SLC22A5: variants seen among roughly 807,000 people sequenced by gnomAD.
SLC22A5 encodes organic cation/carnitine transporter 2.
In SLC22A5, 44 loss-of-function variants were observed where a neutral mutation model predicts 56.7. The observed-to-expected ratio is 0.78, with a 90% CI of 0.61 to 1.00. The LOEUF (loss-of-function observed/expected upper bound fraction) is 1.00. SLC22A5 is among the 50% of genes least tolerant of loss of function. SLC22A5 has a pLI of 0.00. For synonymous variants in SLC22A5, 278 were observed against 292.1 expected, an observed-to-expected ratio of 0.95 and a Z score of 0.49; for missense variants, 675 against 723.0, an observed-to-expected ratio of 0.93 and a Z score of 0.76.
chr5:132,392,417 T>C lies in SLC22A5; in HGVS notation c.1268-16T>C, dbSNP rs762521705. ...GGTTGGTACCTACTCCTACCCTCTT[T>C]CCTTTGCTTCTCCAGACTTGTATTA... On this transcript the variant is annotated splice_polypyrimidine_tract_variant and intron_variant, in intron 7 of 9. Transcript: ENST00000245407. The C allele has an allele frequency of 6.2e-7, 1 of 1,613,650 alleles. No individual in the cohort carries two copies. Among genetic ancestry groups the C allele is most frequent in the Non-Finnish European group, 8.5e-7 (1 of 1,179,532 alleles).
chr5:132,385,607 AGG>A, intron 4 of SLC22A5, 108 bp downstream of exon 4: 1 of 883,848 alleles, frequency 1.1e-6, no homozygotes, highest in Non-Finnish European at 1.9e-6. Flanking sequence ...TCCCAGAGAC[AGG>A]AAGCATAGAT....
intron 4 of SLC22A5, 41 bp downstream of exon 4, chr5:132,385,540 G>T: frequency 6.3e-7 from 1 of 1,580,202 alleles, no homozygotes; most frequent in Non-Finnish European, 8.7e-7. Flanking sequence ...CTGGCAGGAT[G>T]ATTTCTGTCT....
In SLC22A5 at chr5:132,378,359, C is replaced by G. The variant is rs1388742561; in HGVS notation, c.394-19C>G. On this transcript the variant is annotated intron_variant, in intron 1 of 9. Transcript: ENST00000245407. ...TTTAAAAAGAAGTGAATGATACACC[C>G]CCTTTGCTCATCTTGCAGTGGAACC... is the stretch of plus-strand genomic sequence containing the variant. 6.2e-7 allele frequency: 1 copy of G among 1,611,984 alleles called. No homozygotes were observed. The highest frequency in any genetic ancestry group is 1.7e-4 in the Middle Eastern group (1 of 6,056).
rs1752553572 is a variant in SLC22A5, at chr5:132,387,015, G to GTAC, written c.825-8_825-6dup. 1.2e-6 allele frequency: 2 copies of GTAC among 1,614,098 alleles called. No homozygotes were observed. The highest frequency in any genetic ancestry group is 2.2e-5 in the South Asian group (2 of 91,086). ...GGAGGCCTCACTGAGATTGGACCTT[G>GTAC]TACTGCCAGGTTCATCCCTGAGTCC... On this transcript the variant is annotated splice_polypyrimidine_tract_variant and intron_variant, in intron 4 of 9. Coordinates refer to ENST00000245407, the MANE Select transcript of SLC22A5 (RefSeq NM_003060.4).
chr5:132,392,414 CT>C lies in SLC22A5; in HGVS notation c.1268-16del. 2 of 1,613,340 alleles carry C rather than the reference CT, an allele frequency of 1.2e-6. No homozygotes were observed. The highest frequency in any genetic ancestry group is 4.5e-5 in the East Asian group (2 of 44,886). On this transcript the variant is annotated intron_variant, in intron 7 of 9. Transcript: ENST00000245407. ...ATGGGTTGGTACCTACTCCTACCCTCTTTCCTTTGCTTCTCCAGACTTGTAT... is the reference window on the plus strand; with the variant it reads ...ATGGGTTGGTACCTACTCCTACCCTCTTCCTTTGCTTCTCCAGACTTGTAT...
intron 5 of SLC22A5, among the ~76,000 whole-genome samples, chr5:132,388,619 G>A (rs1385501773): frequency 2.6e-5 from 4 of 152,220 alleles, no homozygotes; most frequent in South Asian, 4.2e-4. Context: ...TGTGGCCACC[G>A]ACAGGAATAT....
intron 2 of SLC22A5, chr5:132,379,455 G>A (rs1752273305): frequency 6.6e-6 from 1 of 152,058 alleles, no homozygotes; most frequent in South Asian, 2.1e-4. Flanking sequence ...ACAGGCGTGA[G>A]ACACCATGCG....
At chr5:132,389,794 A>G (rs1752642483) in intron 6 of SLC22A5, 1 of 154,700 alleles carries the variant, frequency 6.5e-6, no homozygotes, top group Non-Finnish European at 1.4e-5. Context: ...ATGGCCCAGG[A>G]TCCCTCCAGG....
chr5:132,385,277 A>C, intron 3 of SLC22A5, 51 bp from the exon 4 acceptor site: 6 of 1,512,994 alleles, frequency 4.0e-6, no homozygotes, highest in Non-Finnish European at 5.5e-6. Context: ...AAAATTAATA[A>C]GGAAGGAACC....
At position 132,378,503 on chromosome 5, in the gene SLC22A5, G is replaced by A. The variant is rs879183398; in HGVS notation, c.497+22G>A. ...ACAGGTAAGGTGTCTGTCTTCTGGA[G>A]CACCAGGGGACCTCAGCACTGAGGA... On this transcript the variant is annotated intron_variant, in intron 2 of 9. Coordinates refer to ENST00000245407, the MANE Select transcript of SLC22A5 (RefSeq NM_003060.4). The A allele has an allele frequency of 5.1e-6, 8 of 1,567,820 alleles. No homozygotes were observed. In the Admixed American group the frequency reaches 1.2e-4, roughly 23 times the overall value.
rs189064852 is a variant in SLC22A5 at position 132,384,557 on chromosome 5, G to T, written c.652+256G>T. Among the ~76,000 whole-genome samples the T allele has an allele frequency of 7.1e-4, 108 of 152,206 alleles. 2 individuals carry two copies. The South Asian group carries it at 7.5e-3, about 11-fold the overall frequency. ...TCTGGCCTCTGGGCTGTGGCTCCTT[G>T]GTCTTAGTACTTGATGGTCAATTTA... On this transcript the variant is annotated intron_variant, in intron 3 of 9. Transcript: ENST00000245407.
Position 132,384,212 on chromosome 5 carries a change from T to C in SLC22A5, c.563T>C (p.Ile188Thr). 1 of 1,614,218 alleles carries C rather than the reference T, an allele frequency of 6.2e-7. No individual in the cohort carries two copies. The highest frequency in any genetic ancestry group is 1.1e-5 in the South Asian group (1 of 91,084). ...GMQTGFSFLQIFSKNFEMFVV... is the reference protein window; with the variant it reads ...GMQTGFSFLQTFSKNFEMFVV... ...CAGACAGGCTTCAGCTTCCTGCAGA[T>C]CTTCTCGAAGAATTTTGAGATGTTT... Residue 188 changes from isoleucine to threonine, a missense_variant, in exon 3 of 10, where the codon ATC becomes ACC. Ile to Thr is a moderately conservative substitution (Grantham distance 89). Coordinates refer to ENST00000245407, the MANE Select transcript of SLC22A5 (RefSeq NM_003060.4).
At chr5:132,388,851 G>A in intron 5 of SLC22A5, 70 bp from the exon 6 acceptor site, 8 of 965,998 alleles carry the variant, frequency 8.3e-6, no homozygotes, top group Non-Finnish European at 1.2e-5. Context: ...AGGGATTCAA[G>A]TATGTTATTG....
intron 1 of SLC22A5, among the ~76,000 whole-genome samples, chr5:132,374,232 GAAAAA>G (rs1254113893): frequency 1.3e-5 from 2 of 148,480 alleles, no homozygotes; most frequent in African/African-American, 4.9e-5. Flanking sequence ...AAAAAAAAAA[GAAAAA>G]GAAAAGAAAC....
chr5:132,378,165 A>G, intron 1 of SLC22A5: 1 of 1,577,020 alleles, frequency 6.3e-7, no homozygotes, highest in Non-Finnish European at 8.6e-7. Context: ...AAATGGAAGC[A>G]AGACAGTGGG....
intron 4 of SLC22A5, 126 bp downstream of exon 4, chr5:132,385,625 A>G: frequency 1.2e-6 from 1 of 811,772 alleles, no homozygotes; most frequent in Middle Eastern, 2.4e-4. Flanking sequence ...TAGATTATAA[A>G]TTATTTCAGA....
chr5:132,386,912 T>G, intron 4 of SLC22A5, 113 bp from the exon 5 acceptor site: 1 of 1,146,818 alleles, frequency 8.7e-7, no homozygotes, highest in African/African-American at 1.5e-5. Flanking sequence ...TCACCAAACA[T>G]TCCACAAGCT....
At chr5:132,370,476 C>G in intron 1 of SLC22A5, 111 bp downstream of exon 1, 1 of 1,243,656 alleles carries the variant, frequency 8.0e-7, no homozygotes, top group Non-Finnish European at 1.1e-6. Flanking sequence ...CACTCCCCCT[C>G]CCCCAACGGT....
At chr5:132,386,460 G>C (rs532578773) in intron 4 of SLC22A5, among the ~76,000 whole-genome samples, 2 of 152,192 alleles carry the variant, frequency 1.3e-5, no homozygotes, top group East Asian at 3.9e-4. Flanking sequence ...GGAACTCCTA[G>C]CCTCAAATGA....
Sources: gnomAD v4.1 joint callset for allele counts (sites outside exome capture counted in the v4.1 genomes callset) on GRCh38, gnomAD v4.1.1 for gene constraint, MANE v1.5 for transcripts, NCBI Gene and HGNC (gene_info 2026-07-23, HGNC 2026-07-21) for gene names.